The following HID1 variants were observed in gnomAD, a reference collection of about 807,000 sequenced individuals.
The protein encoded by HID1 is HID1 domain containing.
A neutral mutation model predicts 89.7 loss-of-function variants in HID1; 42 were observed. The observed-to-expected ratio is 0.47, with a 90% CI of 0.37 to 0.61. The LOEUF is 0.61. Among genes scored for constraint, HID1 ranks in the 20% least tolerant of loss-of-function variants. HID1 has a pLI of 0.00. For synonymous variants in HID1, 442 were observed against 433.8 expected, an observed-to-expected ratio of 1.02 and a Z score of -0.24; for missense variants, 854 against 1,039.3, an observed-to-expected ratio of 0.82 and a Z score of 2.45.
intron 1 of HID1, among the ~76,000 whole-genome samples, chr17:74,969,641 G>T (rs2039615254): frequency 6.6e-6 from 1 of 152,016 alleles, no homozygotes; most frequent in South Asian, 2.1e-4. Flanking sequence ...TTGCTCCGTT[G>T]CCCAGACTGG....
At position 74,972,606 on chromosome 17, in the gene HID1, G is replaced by C; in HGVS notation, c.51C>G (p.Leu17=). 6.5e-7 allele frequency: 1 copy of C among 1,548,682 alleles called. No homozygotes were observed. The change falls in exon 1 of 19, where the codon CTC becomes CTG. Residue 17 remains leucine, a synonymous_variant. Transcript: ENST00000425042. The surrounding 1 kb of genome is among the most constrained non-coding windows in gnomAD (Gnocchi z 6.4). ...KLNFRKAVIQ[L]TTKTQPVEAT... ...CGTGGCGCACCTGCGTCTTGGTGGT[G>C]AGCTGGATCACCGCCTTCCGGAAGT...
At chr17:74,955,006 G>A (rs2039367255) in intron 13 of HID1, 1 of 158,780 alleles carries the variant, frequency 6.3e-6, no homozygotes, top group Non-Finnish European at 1.4e-5. Flanking sequence ...TGTGCTAAGT[G>A]CCTTCTGGGG....
chr17:74,967,037 G>A (rs1237041499), intron 1 of HID1, among the ~76,000 whole-genome samples: 3 of 151,996 alleles, frequency 2.0e-5, no homozygotes, highest in Non-Finnish European at 4.4e-5. Context: ...TCAGGAGTTC[G>A]AGACCACCCT....
chr17:74,972,076 G>A lies in HID1; in HGVS notation c.66+515C>T, dbSNP rs1392469671. ...AGACCTGGGCCTTCCCTGCCCACGG[G>A]CATCGACCAGGGCCCAGCGAGGCCG... On this transcript the variant is annotated intron_variant, in intron 1 of 18. Transcript: ENST00000425042. The surrounding 1 kb of genome is among the most constrained non-coding windows in gnomAD (Gnocchi z 6.4). Among the ~76,000 whole-genome samples, 1 of 152,228 alleles carries A rather than the reference G, an allele frequency of 6.6e-6. No individual in the cohort carries two copies. Among genetic ancestry groups the A allele is most frequent in the African/African-American group, 2.4e-5 (1 of 41,448 alleles).
At chr17:74,957,976 A>G (rs1292238708) in intron 12 of HID1, 165 bp downstream of exon 12, 4 of 609,108 alleles carry the variant, frequency 6.6e-6, no homozygotes, top group African/African-American at 1.8e-5. Context: ...ATATTATTCA[A>G]TTGTTGTCAC....
rs1486490310 is a variant in HID1 at position 74,952,042 on chromosome 17, C to T, written c.2166G>A (p.Glu722=). The T allele has an allele frequency of 1.3e-6, 2 of 1,558,460 alleles. No homozygotes were observed. The highest frequency in any genetic ancestry group is 1.4e-5 in the African/African-American group (1 of 73,982). ...TGCCATGCTGCAGGAACCGCAGGAT[C>T]TCAGACTCATCCGTCAGGCCCCTGC... The part of the protein sequence containing the change: ...CIDKGLTDES[E]ILRFLQHGTL... The change falls in exon 18 of 19, where the codon GAG becomes GAA. Residue 722 remains glutamate (E), a synonymous_variant. Transcript: ENST00000425042.
At chr17:74,961,803 C>T (rs866857120) in intron 6 of HID1, 70 bp downstream of exon 6, 30 of 936,670 alleles carry the variant, frequency 3.2e-5, no homozygotes, top group Middle Eastern at 4.9e-4. Context: ...CCAGAGCTGG[C>T]GAATGGACTC....
intron 1 of HID1, among the ~76,000 whole-genome samples, chr17:74,965,513 C>T (rs748014280): frequency 2.6e-5 from 4 of 152,246 alleles, no homozygotes; most frequent in African/African-American, 4.8e-5. Context: ...GGACTCCACC[C>T]TGCCATCTCT....
chr17:74,952,109 A>T (rs763108060), intron 17 of HID1, 46 bp from the exon 18 acceptor site: 93 of 1,542,530 alleles, frequency 6.0e-5, no homozygotes, highest in Non-Finnish European at 7.5e-5. Flanking sequence ...GGTCCAGGGG[A>T]GCACGGGGCT....
intron 13 of HID1, 156 bp from the exon 14 acceptor site, chr17:74,954,521 G>A: frequency 7.5e-7 from 1 of 1,334,020 alleles, no homozygotes; most frequent in South Asian, 1.4e-5. Context: ...GGGTGCTGGG[G>A]CAGGGCTGGC....
In HID1 at chr17:74,965,505, A is replaced by G. The variant is rs149335034; in HGVS notation, c.67-873T>C. Reference sequence around the variant, plus strand: ...ATACACCTGCATTTACTACTCCAGGACTCCACCCTGCCATCTCTTCTCTTG... The same window carrying G: ...ATACACCTGCATTTACTACTCCAGGGCTCCACCCTGCCATCTCTTCTCTTG... On this transcript the variant is annotated intron_variant, in intron 1 of 18. Transcript: ENST00000425042. Among the ~76,000 whole-genome samples, 372 of 151,980 alleles carry G rather than the reference A, an allele frequency of 2.4e-3. 1 individual carries two copies. Among genetic ancestry groups the G allele is most frequent in the African/African-American group, 8.5e-3 (351 of 41,428 alleles).
chr17:74,968,328 A>G (rs1382902720), intron 1 of HID1, among the ~76,000 whole-genome samples: 1 of 151,372 alleles, frequency 6.6e-6, no homozygotes, highest in Non-Finnish European at 1.5e-5. Context: ...TATTTGTTCC[A>G]CTGAAGCTGC....
chr17:74,971,896 G>T (rs950659243), intron 1 of HID1, among the ~76,000 whole-genome samples: 1 of 152,178 alleles, frequency 6.6e-6, no homozygotes, highest in Non-Finnish European at 1.5e-5. Flanking sequence ...CTGAGCCAGA[G>T]AACAGAGCAC....
In HID1 at chr17:74,964,575, A is replaced by C. The variant is rs781124876; in HGVS notation, c.124T>G (p.Ser42Ala). 56 of 1,612,304 alleles carry C rather than the reference A, an allele frequency of 3.5e-5. No homozygotes were observed. In the Admixed American group the frequency reaches 8.2e-4, roughly 24 times the overall value. Residue 42 changes from serine to alanine, a missense_variant, in exon 2 of 19, where the codon TCG (serine) becomes GCG (alanine). Physicochemically the swap from Ser to Ala is moderately conservative, Grantham distance 99. Transcript: ENST00000425042. Reference protein sequence around the residue: ...WDQFWADTATSVQDVFALVPA... With the variant: ...WDQFWADTATAVQDVFALVPA... ...ACCAGTGCAAACACATCCTGCACCG[A>C]GGTGGCTGTGTCTGCCCAGAACTGG...
Position 74,951,528 on chromosome 17 carries a change from G to A in HID1, c.*42C>T, listed in dbSNP as rs764999377. 4.5e-6 allele frequency: 7 copies of A among 1,568,218 alleles called. No individual in the cohort carries two copies. The South Asian group carries it at 8.0e-5, about 18-fold the overall frequency. On this transcript the variant is annotated 3_prime_UTR_variant, in exon 19 of 19. Coordinates refer to ENST00000425042, the MANE Select transcript of HID1 (RefSeq NM_030630.3). Reference sequence around the variant, plus strand: ...GATGGGGGAAGCCTCAGGGACCAAGGCCCTGCCTTCCCCTAGACTGAGCCC... The same window carrying A: ...GATGGGGGAAGCCTCAGGGACCAAGACCCTGCCTTCCCCTAGACTGAGCCC...
chr17:74,964,005 G>A (rs1776388001), intron 2 of HID1, 95 bp from the exon 3 acceptor site: 1 of 1,300,702 alleles, frequency 7.7e-7, no homozygotes, highest in African/African-American at 1.5e-5. Context: ...GCAGAGGAGG[G>A]TCAGGGGGGG....
Position 74,959,754 on chromosome 17 carries a change from T to G in HID1, c.1008+127A>C, listed in dbSNP as rs1413191757. ...TGAAACCCTCACAGTCCTGCCACTA[T>G]TTCACCTAGGGTGGCCCCAGCCCAC... On this transcript the variant is annotated intron_variant, in intron 8 of 18. Transcript: ENST00000425042. This position sits in a 1 kb window ranked among gnomAD's most constrained non-coding sequence, Gnocchi z 4.6. The G allele has an allele frequency of 4.1e-6, 4 of 985,280 alleles. No homozygotes were observed. Among genetic ancestry groups the G allele is most frequent in the Non-Finnish European group, 6.3e-6 (4 of 635,910 alleles). The allele number at this position is 985,280 out of a possible 1,614,324, so 61.0% of individuals were successfully genotyped here.
intron 14 of HID1, 116 bp from the exon 15 acceptor site, chr17:74,953,767 A>G: frequency 1.3e-6 from 1 of 792,526 alleles, no homozygotes; most frequent in Non-Finnish European, 2.1e-6. Flanking sequence ...TGGAACCTCC[A>G]CCGGCTCTAG....
intron 14 of HID1, 91 bp from the exon 15 acceptor site, chr17:74,953,742 ACTCCTGCTTCC>A (rs1173805927): frequency 2.0e-6 from 2 of 1,014,508 alleles, no homozygotes; most frequent in African/African-American, 3.2e-5. Context: ...TATTTGTTTT[ACTCCTGCTTCC>A]CTCTGGAACC....
Sources: allele counts gnomAD v4.1 joint callset (sites outside exome capture counted in the v4.1 genomes callset), GRCh38; gene constraint gnomAD v4.1.1; non-coding constraint Gnocchi (gnomAD v3.1); transcripts MANE v1.5; gene names NCBI Gene and HGNC (gene_info 2026-07-23, HGNC 2026-07-21).